The following MSH4 variants were observed in gnomAD, a reference collection of about 807,000 sequenced individuals.
The protein encoded by MSH4 is mutS protein homolog 4.
In MSH4, 106 loss-of-function variants were observed where a neutral mutation model predicts 113.7. The observed-to-expected ratio is 0.93, with a 90% CI of 0.80 to 1.10. MSH4 has a LOEUF of 1.10. MSH4 is among the 50% of genes least tolerant of loss of function. MSH4 has a pLI of 0.00. For synonymous variants in MSH4, 368 were observed against 380.2 expected (o/e 0.97, Z 0.37); for missense variants, 1,061 against 1,093.7 (o/e 0.97, Z 0.42).
Position 75,863,084 on chromosome 1 carries a change from G to A in MSH4, c.1231-4430G>A, listed in dbSNP as rs564452229. Among the ~76,000 whole-genome samples the A allele has an allele frequency of 2.5e-3, 377 of 152,064 alleles. 3 individuals are homozygous for A. Among genetic ancestry groups the A allele is most frequent in the Non-Finnish European group, 3.4e-3 (234 of 67,966 alleles). ...GATATTTTTCTAATTTTTATCATGA[G>A]TTTTTTGCATCATTTTGAATAACTT... On this transcript the variant is annotated intron_variant, in intron 8 of 19. Coordinates refer to ENST00000263187, the MANE Select transcript of MSH4 (RefSeq NM_002440.4).
Position 75,824,713 on chromosome 1 carries a change from G to T in MSH4, c.1162+2132G>T, listed in dbSNP as rs780464247. On this transcript the variant is annotated intron_variant, in intron 7 of 19. Coordinates refer to ENST00000263187, the MANE Select transcript of MSH4 (RefSeq NM_002440.4). ...ATGTCTAGCCAGTTTTCCTAGCACC[G>T]TTTATTAAACAGGGAATCCTTTCCC... 5.1e-4 allele frequency among the ~76,000 whole-genome samples: 78 copies of T among 152,166 alleles called. No individual in the cohort carries two copies. In the Middle Eastern group the frequency reaches 0.01, roughly 20 times the overall value.
Position 75,877,643 on chromosome 1 carries a change from A to G in MSH4, c.1371-506A>G, listed in dbSNP as rs370825169. ...GTGTTACCAGATTTCTGGTTTGCAT[A>G]ATCACTGAACTTTACCACTGGTAAT... On this transcript the variant is annotated intron_variant, in intron 10 of 19. Coordinates refer to ENST00000263187, the MANE Select transcript of MSH4 (RefSeq NM_002440.4). Among the ~76,000 whole-genome samples, 60 of 152,342 alleles carry G rather than the reference A, an allele frequency of 3.9e-4. 1 individual carries two copies. Among genetic ancestry groups the G allele is most frequent in the African/African-American group, 1.4e-3 (59 of 41,580 alleles).
chr1:75,889,824 A>G (rs1652212167), intron 16 of MSH4, among the ~76,000 whole-genome samples: 1 of 152,114 alleles, frequency 6.6e-6, no homozygotes, highest in Non-Finnish European at 1.5e-5. Context: ...GCAAACGTCA[A>G]GTAGGCTTTA....
intron 7 of MSH4, among the ~76,000 whole-genome samples, chr1:75,844,787 C>T (rs761422211): frequency 2.6e-5 from 4 of 152,186 alleles, no homozygotes; most frequent in Non-Finnish European, 4.4e-5. Flanking sequence ...ACACTTTACA[C>T]ATTGCCATAG....
intron 17 of MSH4, among the ~76,000 whole-genome samples, chr1:75,895,162 T>G (rs927447230): frequency 1.3e-5 from 2 of 152,110 alleles, no homozygotes; most frequent in African/African-American, 4.8e-5. Context: ...GGCTGTCTTA[T>G]GCCTCTGAAT....
At chr1:75,884,874 T>C (rs142160421) in intron 15 of MSH4, among the ~76,000 whole-genome samples, 1,826 of 151,816 alleles carry the variant, frequency 0.012, 31 homozygotes, top group Middle Eastern at 0.024. Context: ...TTAGCTAATT[T>C]CCTTCGCCTT....
At chr1:75,846,106 G>GTGTTA (rs1651070879) in intron 7 of MSH4, among the ~76,000 whole-genome samples, 1 of 98,494 alleles carries the variant, frequency 1.0e-5, no homozygotes, top group Non-Finnish European at 2.0e-5. Context: ...GAGTTCCAAG[G>GTGTTA]TGCTGCAGGG....
intron 4 of MSH4, among the ~76,000 whole-genome samples, chr1:75,811,936 A>T (rs1570942756): frequency 6.6e-6 from 1 of 152,318 alleles, no homozygotes; most frequent in East Asian, 1.9e-4. Context: ...ACTCATTGCC[A>T]GAGATAGTCC....
At chr1:75,868,317 T>C (rs1486226037) in intron 9 of MSH4, among the ~76,000 whole-genome samples, 1 of 152,224 alleles carries the variant, frequency 6.6e-6, no homozygotes, top group African/African-American at 2.4e-5. Flanking sequence ...TATTAATCTA[T>C]GGAGAGTTAT....
intron 6 of MSH4, among the ~76,000 whole-genome samples, chr1:75,816,972 G>A (rs1463309015): frequency 2.6e-5 from 4 of 152,228 alleles, no homozygotes; most frequent in Non-Finnish European, 4.4e-5. Context: ...TTAAGAGGTA[G>A]GTTCTTGCTA....
chr1:75,830,693 C>A (rs1210411417), intron 7 of MSH4, among the ~76,000 whole-genome samples: 1 of 152,126 alleles, frequency 6.6e-6, no homozygotes, highest in African/African-American at 2.4e-5. Context: ...CCAAACTAAG[C>A]TTCATAAGTG....
intron 7 of MSH4, among the ~76,000 whole-genome samples, chr1:75,827,133 C>T (rs555839661): frequency 2.7e-4 from 41 of 152,212 alleles, no homozygotes; most frequent in East Asian, 7.7e-4. Context: ...AGACTAACAG[C>T]GGATCTCTGT....
Position 75,883,614 on chromosome 1 carries a change from T to G in MSH4, c.1907-7T>G. 6.2e-7 allele frequency: 1 copy of G among 1,603,478 alleles called. No homozygotes were observed. The highest frequency in any genetic ancestry group is 8.5e-7 in the Non-Finnish European group (1 of 1,175,800). Reference sequence around the variant, plus strand: ...TCTTTAAAAACCATTCTATTTTTTTTCTTAAGTTCGACCAGAATTTACTGA... The same window carrying G: ...TCTTTAAAAACCATTCTATTTTTTTGCTTAAGTTCGACCAGAATTTACTGA... On this transcript the variant is annotated splice_polypyrimidine_tract_variant and splice_region_variant and intron_variant, in intron 14 of 19. Transcript: ENST00000263187.
intron 2 of MSH4, among the ~76,000 whole-genome samples, chr1:75,804,811 CT>C (rs1650022189): frequency 6.7e-6 from 1 of 148,892 alleles, no homozygotes; most frequent in Non-Finnish European, 1.5e-5. Context: ...CCTGGCTGAC[CT>C]TTTTATTTAC....
chr1:75,829,613 C>T (rs1183636471), intron 7 of MSH4, among the ~76,000 whole-genome samples: 4 of 152,158 alleles, frequency 2.6e-5, no homozygotes, highest in South Asian at 2.1e-4. Context: ...CAGGCAGCAA[C>T]ATCTGCCGTT....
chr1:75,883,837 A>G lies in MSH4; in HGVS notation c.2107+16A>G. ...GCCCAGATTGGTAAGTTATGGCTTTATTTATAATGACCAGTTTTACACTCT... is the reference window on the plus strand; with the variant it reads ...GCCCAGATTGGTAAGTTATGGCTTTGTTTATAATGACCAGTTTTACACTCT... On this transcript the variant is annotated intron_variant, in intron 15 of 19. Coordinates refer to ENST00000263187, the MANE Select transcript of MSH4 (RefSeq NM_002440.4). The G allele has an allele frequency of 1.3e-6, 2 of 1,598,394 alleles. No individual in the cohort carries two copies.
chr1:75,802,853 G>T (rs889421613), intron 1 of MSH4, among the ~76,000 whole-genome samples: 8 of 152,142 alleles, frequency 5.3e-5, no homozygotes, highest in Non-Finnish European at 1.2e-4. Flanking sequence ...CATTTAGTGA[G>T]GGTCTTTGTG....
At chr1:75,868,922 C>A (rs1651649341) in intron 9 of MSH4, among the ~76,000 whole-genome samples, 2 of 152,116 alleles carry the variant, frequency 1.3e-5, no homozygotes, top group African/African-American at 4.8e-5. Flanking sequence ...TGAGAACAGA[C>A]TGATACAGTA....
chr1:75,900,825 C>T (rs1432810164), intron 19 of MSH4, among the ~76,000 whole-genome samples: 1 of 152,100 alleles, frequency 6.6e-6, no homozygotes, highest in African/African-American at 2.4e-5. Context: ...GTTCTGTACT[C>T]TGAAGAAGCT....
Sources: allele counts gnomAD v4.1 joint callset (sites outside exome capture counted in the v4.1 genomes callset), GRCh38; gene constraint gnomAD v4.1.1; transcripts MANE v1.5; gene names NCBI Gene and HGNC (gene_info 2026-07-23, HGNC 2026-07-21).